The following DNAAF11 variants were observed in gnomAD, a reference collection of about 807,000 sequenced individuals.
DNAAF11 encodes the protein dynein axonemal assembly factor 11, also known as leucine rich repeat containing 6.
A neutral mutation model predicts 60.8 loss-of-function variants in DNAAF11; 45 were observed. The ratio of observed to expected loss-of-function variants is 0.74; its 90% CI spans 0.58 to 0.95. The LOEUF is 0.95. DNAAF11 is among the 40% of genes least tolerant of loss of function. The pLI is 0.00. For synonymous variants in DNAAF11, 191 were observed against 183.5 expected, an observed-to-expected ratio of 1.04 and a Z score of -0.33; for missense variants, 546 against 546.2, an observed-to-expected ratio of 1.00 and a Z score of 0.00.
the DNAAF11 span, among the ~76,000 whole-genome samples, chr8:132,691,005 C>A: frequency 6.6e-6 from 1 of 152,086 alleles, no homozygotes; most frequent in Non-Finnish European, 1.5e-5. Flanking sequence ...CACCTCCCTC[C>A]TCCCTGCCTC....
chr8:132,576,307 T>TA (rs1490469780), intron 11 of DNAAF11, among the ~76,000 whole-genome samples: 2 of 152,210 alleles, frequency 1.3e-5, no homozygotes, highest in African/African-American at 4.8e-5. Context: ...CAATAAGTGT[T>TA]TACTGAGTAC....
chr8:132,653,394 GT>G (rs1823223073), intron 3 of DNAAF11, among the ~76,000 whole-genome samples: 1 of 152,068 alleles, frequency 6.6e-6, no homozygotes, highest in African/African-American at 2.4e-5. Context: ...AGTAAAGAGT[GT>G]TTTTTAGGCT....
At chr8:132,584,690 G>A (rs1229559167) in intron 10 of DNAAF11, among the ~76,000 whole-genome samples, 2 of 152,056 alleles carry the variant, frequency 1.3e-5, no homozygotes, top group Admixed American at 6.6e-5. Context: ...CTATGGCAGG[G>A]GAATGACTCA....
intron 10 of DNAAF11, among the ~76,000 whole-genome samples, chr8:132,591,066 TG>T (rs1424996319): frequency 6.6e-6 from 1 of 152,202 alleles, no homozygotes; most frequent in East Asian, 1.9e-4. Context: ...GTATATTGTA[TG>T]ATATATGTAA....
chr8:132,610,173 A>G lies in DNAAF11; in HGVS notation c.1133T>C (p.Met378Thr), dbSNP rs760449498. 5.0e-6 allele frequency: 8 copies of G among 1,613,474 alleles called. No individual in the cohort carries two copies. In the South Asian group the frequency reaches 6.6e-5, roughly 13 times the overall value. The change falls in exon 10 of 12, where the codon ATG becomes ACG. Residue 378 changes from methionine to threonine, a missense_variant. Transcript: ENST00000620350. ...SQTTGHLVIC[M>T]PKVGEVITGG... ...CCAAATGACATGACCTACCTTGGGC[A>G]TGCAGATGACCAAATGACCCGTTGT...
chr8:132,693,327 G>A, the DNAAF11 span, among the ~76,000 whole-genome samples: 1 of 152,174 alleles, frequency 6.6e-6, no homozygotes, highest in Non-Finnish European at 1.5e-5. Context: ...ATGGACAGAT[G>A]CCATTGCTTT....
intron 10 of DNAAF11, among the ~76,000 whole-genome samples, chr8:132,584,773 T>C (rs1276617646): frequency 6.6e-6 from 1 of 152,182 alleles, no homozygotes; most frequent in African/African-American, 2.4e-5. Context: ...TTCTCTGTTC[T>C]GCCTGACTTG....
intron 11 of DNAAF11, among the ~76,000 whole-genome samples, chr8:132,573,115 C>CAGATATAGATATAGATATAGATAT (rs900985379): frequency 6.6e-6 from 1 of 151,772 alleles, no homozygotes; most frequent in African/African-American, 2.4e-5. Flanking sequence ...GATATAGATA[C>CAGATATAGATATAGATATAGATAT]AGATATAGAT....
chr8:132,672,823 C>T (rs1825315304), intron 1 of DNAAF11, among the ~76,000 whole-genome samples: 3 of 152,128 alleles, frequency 2.0e-5, no homozygotes, highest in Admixed American at 2.0e-4. Flanking sequence ...AAGCTCGTAT[C>T]CTAGGTTCGA....
chr8:132,636,075 A>G (rs549881252), intron 4 of DNAAF11, among the ~76,000 whole-genome samples: 3 of 152,038 alleles, frequency 2.0e-5, no homozygotes, highest in Admixed American at 6.6e-5. Context: ...TCTAGTTTGC[A>G]GTACTTTGTT....
intron 1 of DNAAF11, among the ~76,000 whole-genome samples, chr8:132,666,411 C>A (rs1283723438): frequency 1.3e-5 from 2 of 151,836 alleles, no homozygotes; most frequent in Non-Finnish European, 2.9e-5. Flanking sequence ...TAAATATGTA[C>A]AATTATGTCA....
At chr8:132,656,737 G>A (rs546323563) in intron 3 of DNAAF11, 93 bp downstream of exon 3, 2 of 584,112 alleles carry the variant, frequency 3.4e-6, no homozygotes, top group African/African-American at 2.0e-5. Context: ...CTCCCAAAGT[G>A]CTGGGATTAC....
intron 7 of DNAAF11, among the ~76,000 whole-genome samples, chr8:132,620,055 G>A (rs1000914923): frequency 3.9e-5 from 6 of 152,180 alleles, no homozygotes; most frequent in Non-Finnish European, 8.8e-5. Flanking sequence ...TTGGAAGTAA[G>A]GAGAGAGAAG....
At chr8:132,670,598 A>T (rs1294077725) in intron 1 of DNAAF11, among the ~76,000 whole-genome samples, 1 of 152,210 alleles carries the variant, frequency 6.6e-6, no homozygotes, top group Non-Finnish European at 1.5e-5. Flanking sequence ...AAGAGGAAAT[A>T]ATACTTCCCA....
upstream of DNAAF11, among the ~76,000 whole-genome samples, chr8:132,675,867 T>C (rs1825741615): frequency 6.6e-6 from 1 of 152,200 alleles, no homozygotes; most frequent in African/African-American, 2.4e-5. Context: ...CCTTTGACTT[T>C]TTCCTTTTTG....
Position 132,584,672 on chromosome 8 carries a change from G to A in DNAAF11, c.1141-893C>T, listed in dbSNP as rs548829681. Among the ~76,000 whole-genome samples, 4 of 152,166 alleles carry A rather than the reference G, an allele frequency of 2.6e-5. No homozygotes were observed. In the East Asian group the frequency reaches 7.7e-4, roughly 29 times the overall value. On this transcript the variant is annotated intron_variant, in intron 10 of 11. Coordinates refer to ENST00000620350, the MANE Select transcript of DNAAF11 (RefSeq NM_012472.6). ...CCATTCCCCTCTCTACCCTCACCAG[G>A]TCCTTCTCTATGGCAGGGGAATGAC...
At chr8:132,625,493 A>C in intron 5 of DNAAF11, 39 bp from the exon 6 acceptor site, 1 of 1,461,382 alleles carries the variant, frequency 6.8e-7, no homozygotes, top group Non-Finnish European at 9.3e-7. Flanking sequence ...ACAATAATGG[A>C]TTCATGAGCT....
intron 2 of DNAAF11, among the ~76,000 whole-genome samples, chr8:132,660,949 TG>T (rs1563703650): frequency 6.6e-6 from 1 of 152,214 alleles, no homozygotes; most frequent in Non-Finnish European, 1.5e-5. Context: ...TTATCTTCAT[TG>T]ACCTGATCCC....
At chr8:132,598,042 T>C (rs1189217570) in intron 10 of DNAAF11, among the ~76,000 whole-genome samples, 1 of 152,220 alleles carries the variant, frequency 6.6e-6, no homozygotes, top group Non-Finnish European at 1.5e-5. Context: ...AGGCATTGTT[T>C]GTGTTCATTT....
Sources: allele counts gnomAD v4.1 joint callset (sites outside exome capture counted in the v4.1 genomes callset), GRCh38; gene constraint gnomAD v4.1.1; transcripts MANE v1.5; gene names NCBI Gene and HGNC (gene_info 2026-07-23, HGNC 2026-07-21).